CTDP1: variants seen among roughly 807,000 people sequenced by gnomAD.
CTDP1 encodes CTD phosphatase 1.
Under a neutral mutation model 91.8 loss-of-function variants are expected in CTDP1, and 47 were observed. That is an observed-to-expected ratio of 0.51 (90% CI 0.41 to 0.65). The LOEUF is 0.65. Among genes scored for constraint, CTDP1 ranks in the 30% least tolerant of loss-of-function variants. The probability of loss-of-function intolerance (pLI) is 0.00; values close to 1 mark genes in which losing one functional copy is unlikely to be tolerated. For synonymous variants in CTDP1, 656 were observed against 598.5 expected (o/e 1.10, Z -1.40); for missense variants, 1,272 against 1,373.7 (o/e 0.93, Z 1.17).
intron 1 of CTDP1, among the ~76,000 whole-genome samples, chr18:79,690,869 A>G (rs985138785): frequency 3.3e-5 from 5 of 152,210 alleles, no homozygotes; most frequent in African/African-American, 1.2e-4. Flanking sequence ...ACCGCAGTAC[A>G]GAAAATTACG....
Position 79,728,583 on chromosome 18 carries a change from G to A in CTDP1, c.2418-324G>A, listed in dbSNP as rs577260477. Among the ~76,000 whole-genome samples the A allele has an allele frequency of 2.7e-5, 4 of 149,654 alleles. No individual in the cohort carries two copies. In the East Asian group the frequency reaches 5.9e-4, roughly 22 times the overall value. On this transcript the variant is annotated intron_variant, in intron 10 of 12. Transcript: ENST00000613122. The stretch of plus-strand genomic sequence containing the variant: ...GTTCCCAGAACACGCTTCATCTCCC[G>A]TCTCTCTTTGCCCTTTATTCTAAGA...
At chr18:79,686,998 C>G (rs1434215116) in intron 1 of CTDP1, among the ~76,000 whole-genome samples, 13 of 128,170 alleles carry the variant, frequency 1.0e-4, no homozygotes, top group African/African-American at 3.6e-4. Flanking sequence ...GCCTGCACCG[C>G]AGCAGTTGGC....
chr18:79,714,433 C>A (rs965065994), intron 7 of CTDP1, 58 bp from the exon 8 acceptor site: 2 of 1,579,044 alleles, frequency 1.3e-6, no homozygotes, highest in Non-Finnish European at 8.7e-7. Flanking sequence ...TAACTTGGAA[C>A]GTTATTTAAT....
At chr18:79,721,761 A>AT (rs1458042816) in intron 10 of CTDP1, among the ~76,000 whole-genome samples, 6 of 151,884 alleles carry the variant, frequency 4.0e-5, no homozygotes, top group African/African-American at 7.3e-5. Flanking sequence ...TCAAAAAAAA[A>AT]TTTTTCTTAA....
intron 1 of CTDP1, 121 bp downstream of exon 1, chr18:79,680,382 G>A (rs1211585613): frequency 1.3e-6 from 1 of 787,616 alleles, no homozygotes; most frequent in Non-Finnish European, 1.7e-6. Context: ...GCGATAAAGC[G>A]GGACGCAGGC....
At chr18:79,736,271 C>T in intron 11 of CTDP1, 84 bp from the exon 12 acceptor site, 2 of 1,523,756 alleles carry the variant, frequency 1.3e-6, no homozygotes, top group East Asian at 4.9e-5. Context: ...GCACTCAGAG[C>T]CCTGGACTCT....
intron 4 of CTDP1, among the ~76,000 whole-genome samples, chr18:79,703,824 C>T (rs1359797947): frequency 1.3e-5 from 2 of 151,754 alleles, no homozygotes; most frequent in African/African-American, 2.4e-5. Context: ...TAGCTATCAT[C>T]GGTGGTTATG....
chr18:79,735,538 C>T, intron 11 of CTDP1: 1 of 152,572 alleles, frequency 6.6e-6, no homozygotes, highest in East Asian at 1.9e-4. Context: ...GGGCCCCTCG[C>T]TCCTGGGTGT....
intron 12 of CTDP1, among the ~76,000 whole-genome samples, chr18:79,751,029 G>A (rs1433996317): frequency 6.0e-5 from 8 of 132,934 alleles, no homozygotes; most frequent in African/African-American, 2.3e-4. Flanking sequence ...ACTGGGCGCC[G>A]AGGGCAGGTC....
chr18:79,689,691 G>T (rs562709161), intron 1 of CTDP1, among the ~76,000 whole-genome samples: 5 of 152,324 alleles, frequency 3.3e-5, no homozygotes, highest in Admixed American at 2.6e-4. Flanking sequence ...TGAGGCAAGA[G>T]AATCACTTGA....
At chr18:79,722,080 G>T (rs2086355901) in intron 10 of CTDP1, among the ~76,000 whole-genome samples, 1 of 152,150 alleles carries the variant, frequency 6.6e-6, no homozygotes, top group Non-Finnish European at 1.5e-5. Flanking sequence ...TACATAAAGT[G>T]GTTAAAGATT....
chr18:79,687,654 C>T (rs1599192607), intron 1 of CTDP1, among the ~76,000 whole-genome samples: 1 of 151,628 alleles, frequency 6.6e-6, no homozygotes, highest in East Asian at 1.9e-4. Flanking sequence ...TTGGCTTCGC[C>T]AGTTCACTGG....
chr18:79,694,988 C>T (rs914475456), intron 1 of CTDP1, among the ~76,000 whole-genome samples: 1 of 152,072 alleles, frequency 6.6e-6, no homozygotes, highest in African/African-American at 2.4e-5. Flanking sequence ...ACGGGTGGCA[C>T]GGGGGTGGTG....
rs1378586510 is a variant in CTDP1 at position 79,717,562 on chromosome 18, A to C, written c.2096A>C (p.Glu699Ala). The C allele has an allele frequency of 6.2e-7, 1 of 1,613,728 alleles. No homozygotes were observed. The highest frequency in any genetic ancestry group is 1.7e-4 in the Middle Eastern group (1 of 5,972). The stretch of plus-strand genomic sequence containing the variant: ...ACAGAGAAGGTGCTGCAGGCACAGG[A>C]GTGCGGACACCTGCACGTGGTCAAC... ...AGTEKVLQAQ[E>A]CGHLHVVNPD... Residue 699 changes from glutamate to alanine, a missense_variant, in exon 9 of 13, where the codon GAG becomes GCG. Glu to Ala is a moderately radical substitution (Grantham distance 107, BLOSUM62 -1). Around this residue, in one of 3 missense-constraint regions of CTDP1, gnomAD observed 881 missense variants for 911.6 expected, o/e 0.97. Coordinates refer to ENST00000613122, the MANE Select transcript of CTDP1 (RefSeq NM_004715.5).
upstream of CTDP1, chr18:79,679,204 A>C (rs1441214741): frequency 1.2e-5 from 4 of 337,300 alleles, no homozygotes; most frequent in Non-Finnish European, 2.3e-5. Flanking sequence ...AGGGCGGCGC[A>C]CCTGCCCCTG....
intron 2 of CTDP1, 62 bp downstream of exon 2, chr18:79,695,370 G>A (rs2085725521): frequency 6.8e-7 from 1 of 1,478,628 alleles, no homozygotes; most frequent in Non-Finnish European, 9.5e-7. Flanking sequence ...CCTCCGGGGA[G>A]TCCGAGAAGC....
intron 10 of CTDP1, among the ~76,000 whole-genome samples, chr18:79,719,399 AG>A (rs1225659173): frequency 6.9e-6 from 1 of 145,194 alleles, no homozygotes; most frequent in Non-Finnish European, 1.5e-5. Flanking sequence ...TCTGGGACCT[AG>A]GGGGTGGGGG....
chr18:79,727,457 G>A (rs930211184), intron 10 of CTDP1, among the ~76,000 whole-genome samples: 4 of 152,066 alleles, frequency 2.6e-5, no homozygotes, highest in Non-Finnish European at 4.4e-5. Context: ...CACGGTGTTC[G>A]TGGGATGGGA....
At chr18:79,693,922 C>A (rs930691591) in intron 1 of CTDP1, among the ~76,000 whole-genome samples, 2 of 150,996 alleles carry the variant, frequency 1.3e-5, no homozygotes, top group Non-Finnish European at 2.9e-5. Flanking sequence ...GCTGCAGACC[C>A]GCCCCTCCCA....
Sources: allele counts gnomAD v4.1 joint callset (sites outside exome capture counted in the v4.1 genomes callset), GRCh38; gene constraint gnomAD v4.1.1; regional missense constraint gnomAD v4.1.1; transcripts MANE v1.5; gene names NCBI Gene and HGNC (gene_info 2026-07-23, HGNC 2026-07-21).